The following MED27 variants were observed in gnomAD, a reference collection of about 807,000 sequenced individuals.
MED27 encodes mediator complex subunit 27, also known as mediator of RNA polymerase II transcription subunit 27.
MED27 carries 30 observed loss-of-function variants against 38.2 expected under a neutral mutation model. The observed-to-expected ratio is 0.79, with a 90% CI of 0.59 to 1.07. The LOEUF is 1.07. MED27 is among the 50% of genes least tolerant of loss of function. MED27 has a pLI of 0.00. For synonymous variants in MED27, 122 were observed against 153.5 expected (o/e 0.79, Z 1.52); for missense variants, 289 against 397.5 (o/e 0.73, Z 2.32).
intron 3 of MED27, among the ~76,000 whole-genome samples, chr9:131,965,650 G>C (rs1216836895): frequency 6.6e-6 from 1 of 152,152 alleles, no homozygotes; most frequent in African/African-American, 2.4e-5. Context: ...CACCACAGCA[G>C]AGCTGAGTGA....
At chr9:132,059,839 T>C (rs750125489) in intron 2 of MED27, among the ~76,000 whole-genome samples, 2 of 152,222 alleles carry the variant, frequency 1.3e-5, no homozygotes, top group Non-Finnish European at 1.5e-5. Context: ...TTGATATATT[T>C]AGTACCAATG....
chr9:131,974,326 A>G (rs959945321), intron 3 of MED27, among the ~76,000 whole-genome samples: 11 of 152,352 alleles, frequency 7.2e-5, no homozygotes, highest in Non-Finnish European at 1.6e-4. Flanking sequence ...TGATACTTGC[A>G]GAAGAAGGTA....
At chr9:131,891,779 A>G (rs987733351) in intron 5 of MED27, among the ~76,000 whole-genome samples, 5 of 152,168 alleles carry the variant, frequency 3.3e-5, no homozygotes, top group Admixed American at 6.5e-5. Context: ...GGGAAGCAAG[A>G]CTGGAGACTA....
intron 3 of MED27, among the ~76,000 whole-genome samples, chr9:131,972,033 AT>A (rs1831489609): frequency 6.6e-6 from 1 of 152,230 alleles, no homozygotes; most frequent in Non-Finnish European, 1.5e-5. Flanking sequence ...TCAAAAAAAA[AT>A]CTATGTTGGC....
At chr9:132,076,947 G>A (rs1455110352) in intron 2 of MED27, among the ~76,000 whole-genome samples, 1 of 152,188 alleles carries the variant, frequency 6.6e-6, no homozygotes, top group African/African-American at 2.4e-5. Context: ...TCTCCCTTAG[G>A]TGGCATCTAA....
At chr9:131,901,589 C>G (rs1829949297) in intron 4 of MED27, among the ~76,000 whole-genome samples, 1 of 152,222 alleles carries the variant, frequency 6.6e-6, no homozygotes, top group Admixed American at 6.5e-5. Flanking sequence ...CAGAAAATGC[C>G]TGGTTCAGCA....
intron 3 of MED27, among the ~76,000 whole-genome samples, chr9:131,943,942 C>T (rs1009832769): frequency 2.6e-5 from 4 of 152,076 alleles, no homozygotes; most frequent in East Asian, 1.9e-4. Flanking sequence ...GGATAGAAAA[C>T]GAACTTTTAA....
At chr9:131,922,122 C>G (rs9411328) in intron 4 of MED27, among the ~76,000 whole-genome samples, 119,355 of 151,560 alleles carry the variant, frequency 0.79, 47,302 homozygotes, top group Non-Finnish European at 0.83. Context: ...GTATACATAT[C>G]TAACAAACCT....
rs76257763 is a variant in MED27, at chr9:131,881,676, A to G, written c.723+2382T>C. Among the ~76,000 whole-genome samples, 383 of 152,238 alleles carry G rather than the reference A, an allele frequency of 2.5e-3. 16 individuals are homozygous for G. The East Asian group carries it at 0.064, about 26-fold the overall frequency. ...TCCATTACTACGGTACATTTGTCAC[A>G]ACAAAGAAACCAACACTGGTTACTC... On this transcript the variant is annotated intron_variant, in intron 6 of 7. Transcript: ENST00000292035.
chr9:131,979,965 T>C (rs1470506942), intron 3 of MED27, among the ~76,000 whole-genome samples: 1 of 152,190 alleles, frequency 6.6e-6, no homozygotes, highest in Non-Finnish European at 1.5e-5. Flanking sequence ...TAAAACTGTA[T>C]ACATTTTCAA....
intron 3 of MED27, among the ~76,000 whole-genome samples, chr9:131,977,670 T>G (rs1232252982): frequency 6.6e-6 from 1 of 152,184 alleles, no homozygotes; most frequent in African/African-American, 2.4e-5. Flanking sequence ...TCTTGGTTCA[T>G]GTAAAGGGCT....
intron 4 of MED27, among the ~76,000 whole-genome samples, chr9:131,902,523 T>C (rs1003351821): frequency 1.3e-5 from 2 of 152,018 alleles, no homozygotes; most frequent in Non-Finnish European, 2.9e-5. Context: ...AACTGAATCA[T>C]AAAAAGAAAA....
rs190942896 is a variant in MED27 at position 132,019,507 on chromosome 9, T to C, written c.349-5040A>G. Among the ~76,000 whole-genome samples the C allele has an allele frequency of 5.5e-3, 840 of 152,286 alleles. 12 individuals carry two copies. Among genetic ancestry groups the C allele is most frequent in the African/African-American group, 0.019 (785 of 41,548 alleles). ...GTGGGTATGTTCACAGGCTTGAGCT[T>C]GGACCAAGCTCAAAAGAAAAGGGGT... On this transcript the variant is annotated intron_variant, in intron 2 of 7. Coordinates refer to ENST00000292035, the MANE Select transcript of MED27 (RefSeq NM_004269.4).
chr9:131,883,074 A>G lies in MED27; in HGVS notation c.723+984T>C, dbSNP rs1034622109. Among the ~76,000 whole-genome samples the G allele has an allele frequency of 2.6e-5, 4 of 152,084 alleles. No individual in the cohort carries two copies. Among genetic ancestry groups the G allele is most frequent in the Admixed American group, 2.6e-4 (4 of 15,266 alleles). On this transcript the variant is annotated intron_variant, in intron 6 of 7. Coordinates refer to ENST00000292035, the MANE Select transcript of MED27 (RefSeq NM_004269.4). This position sits in a 1 kb window ranked among gnomAD's most constrained non-coding sequence, Gnocchi z 4.2. ...AGGCGCCCGCCACCATGCCCGGCTA[A>G]TTTTATATTTTTAGTACAGACAGGG...
chr9:131,988,065 A>AC (rs1831891524), intron 3 of MED27, among the ~76,000 whole-genome samples: 1 of 152,242 alleles, frequency 6.6e-6, no homozygotes, highest in Non-Finnish European at 1.5e-5. Context: ...TACAAAAATC[A>AC]TTTCCGTAAA....
intron 2 of MED27, among the ~76,000 whole-genome samples, chr9:132,037,264 G>A (rs754494064): frequency 6.6e-6 from 1 of 152,118 alleles, no homozygotes; most frequent in Non-Finnish European, 1.5e-5. Flanking sequence ...CCTAATCCAT[G>A]AGCTTACTAT....
In MED27 at chr9:132,003,785, G is replaced by A. The variant is rs1362730783; in HGVS notation, c.479+10552C>T. 6.6e-6 allele frequency among the ~76,000 whole-genome samples: 1 copy of A among 152,182 alleles called. No homozygotes were observed. Among genetic ancestry groups the A allele is most frequent in the African/African-American group, 2.4e-5 (1 of 41,438 alleles). On this transcript the variant is annotated intron_variant, in intron 3 of 7. Coordinates refer to ENST00000292035, the MANE Select transcript of MED27 (RefSeq NM_004269.4). This position sits in a 1 kb window ranked among gnomAD's most constrained non-coding sequence, Gnocchi z 4.2. Reference sequence around the variant, plus strand: ...GAAGGGGGGATTGGAGTATTTTAAAGTGAATCTGGTTCATCAAATCATTTC... The same window carrying A: ...GAAGGGGGGATTGGAGTATTTTAAAATGAATCTGGTTCATCAAATCATTTC...
chr9:132,071,246 G>A (rs1833926886), intron 2 of MED27, among the ~76,000 whole-genome samples: 1 of 152,106 alleles, frequency 6.6e-6, no homozygotes, highest in Non-Finnish European at 1.5e-5. Context: ...AGCCAGAGTG[G>A]TCAGGCTCTG....
chr9:131,946,295 T>C (rs750326238), intron 3 of MED27, among the ~76,000 whole-genome samples: 1 of 152,188 alleles, frequency 6.6e-6, no homozygotes, highest in South Asian at 2.1e-4. Flanking sequence ...ATATGGTAGT[T>C]CTATTTTTAA....
Sources: allele counts gnomAD v4.1 joint callset (sites outside exome capture counted in the v4.1 genomes callset), GRCh38; gene constraint gnomAD v4.1.1; non-coding constraint Gnocchi (gnomAD v3.1); transcripts MANE v1.5; gene names NCBI Gene and HGNC (gene_info 2026-07-23, HGNC 2026-07-21).